The following ANO3 variants were observed in gnomAD, a reference collection of about 807,000 sequenced individuals.
The protein encoded by ANO3 is anoctamin 3.
ANO3 carries 99 observed loss-of-function variants against 144.8 expected under a neutral mutation model. That is an observed-to-expected ratio of 0.68 (90% CI 0.58 to 0.81). The LOEUF (loss-of-function observed/expected upper bound fraction) is 0.81, where lower values mean the gene tolerates loss of function less well. ANO3 is among the 30% of genes least tolerant of loss of function. The pLI, the probability that ANO3 is intolerant of heterozygous loss-of-function variation, is 0.00. For synonymous variants in ANO3, 414 were observed against 392.6 expected (o/e 1.05, Z -0.64); for missense variants, 905 against 1,202.2 (o/e 0.75, Z 3.66).
chr11:26,407,170 CA>C (rs1421584723), intron 1 of ANO3, among the ~76,000 whole-genome samples: 2 of 149,600 alleles, frequency 1.3e-5, no homozygotes, highest in Non-Finnish European at 3.0e-5. Context: ...TTGGAAAACA[CA>C]AAACAATCAT....
At chr11:26,303,391 G>C (rs886467813) in intron 1 of ANO3, among the ~76,000 whole-genome samples, 7 of 152,022 alleles carry the variant, frequency 4.6e-5, no homozygotes, top group Non-Finnish European at 1.0e-4. Flanking sequence ...TATGCCCTTC[G>C]CAGCAACAAA....
intron 1 of ANO3, among the ~76,000 whole-genome samples, chr11:26,240,085 C>T (rs920878400): frequency 1.3e-5 from 2 of 152,126 alleles, no homozygotes; most frequent in Non-Finnish European, 2.9e-5. Flanking sequence ...TACTTAACTC[C>T]TCCGTGTCAC....
chr11:26,494,827 G>A (rs1860862577), intron 4 of ANO3, among the ~76,000 whole-genome samples: 1 of 152,132 alleles, frequency 6.6e-6, no homozygotes, highest in Admixed American at 6.5e-5. Flanking sequence ...GATCTATGAA[G>A]TCCCTGAAAT....
Position 26,353,307 on chromosome 11 carries a change from G to A in ANO3, c.46+20986G>A, listed in dbSNP as rs181738310. Among the ~76,000 whole-genome samples, 566 of 152,278 alleles carry A rather than the reference G, an allele frequency of 3.7e-3. 3 individuals are homozygous for A. The highest frequency in any genetic ancestry group is 0.013 in the African/African-American group (527 of 41,568). On this transcript the variant is annotated intron_variant, in intron 1 of 26. Coordinates refer to ENST00000256737, the MANE Select transcript of ANO3 (RefSeq NM_031418.4). ...AAACCTAGGTCAAATCCAGTGATAC[G>A]TTTGGTCCAGTTGGTCTTAGCCAGC...
intron 10 of ANO3, among the ~76,000 whole-genome samples, chr11:26,538,949 T>TTAATTG (rs1849577392): frequency 1.3e-5 from 2 of 152,062 alleles, no homozygotes; most frequent in African/African-American, 4.8e-5. Flanking sequence ...TGATTAAGGA[T>TTAATTG]AGTTCACAAT....
At chr11:26,273,228 T>C (rs1332471269) in intron 1 of ANO3, among the ~76,000 whole-genome samples, 1 of 122,866 alleles carries the variant, frequency 8.1e-6, no homozygotes, top group Non-Finnish European at 1.6e-5. Flanking sequence ...CTTTTAAAGT[T>C]TTTTTTTTTT....
intron 18 of ANO3, among the ~76,000 whole-genome samples, chr11:26,624,996 C>T (rs901387337): frequency 2.0e-5 from 3 of 151,604 alleles, no homozygotes; most frequent in African/African-American, 7.3e-5. Flanking sequence ...GCGATCTCGG[C>T]TCACTGCAAG....
At chr11:26,251,037 C>T (rs542769375) in intron 1 of ANO3, among the ~76,000 whole-genome samples, 1 of 152,204 alleles carries the variant, frequency 6.6e-6, no homozygotes, top group East Asian at 1.9e-4. Context: ...TACTGATCAG[C>T]ATCATCAAAG....
At chr11:26,332,358 T>C (rs1207337855) in intron 1 of ANO3, 37 bp downstream of exon 1, 2 of 1,607,390 alleles carry the variant, frequency 1.2e-6, no homozygotes, top group Non-Finnish European at 1.7e-6. Context: ...CCTGCGGGCG[T>C]CACTTCCCCC....
At chr11:26,332,072 G>C, upstream of ANO3, 1 of 1,427,724 alleles carries the variant, frequency 7.0e-7, no homozygotes, top group Non-Finnish European at 9.2e-7. Flanking sequence ...AAGGGGAGCC[G>C]GACGCTAGAC....
intron 21 of ANO3, among the ~76,000 whole-genome samples, chr11:26,640,832 T>G (rs967505479): frequency 6.6e-5 from 10 of 152,274 alleles, no homozygotes; most frequent in Non-Finnish European, 1.0e-4. Context: ...ACAATTGTCT[T>G]TCTTCAAGCA....
intron 14 of ANO3, 74 bp downstream of exon 14, chr11:26,559,853 C>CAT: frequency 1.2e-6 from 1 of 805,992 alleles, no homozygotes; most frequent in Non-Finnish European, 2.0e-6. Flanking sequence ...CACACACACA[C>CAT]ACACACACAC....
chr11:26,482,033 C>A (rs1860238230), intron 4 of ANO3, among the ~76,000 whole-genome samples: 1 of 151,864 alleles, frequency 6.6e-6, no homozygotes, highest in South Asian at 2.1e-4. Flanking sequence ...GCTGGGAGCA[C>A]AGGCACATGC....
At chr11:26,220,206 A>G (rs1852114423) in intron 1 of ANO3, among the ~76,000 whole-genome samples, 1 of 152,220 alleles carries the variant, frequency 6.6e-6, no homozygotes, top group Non-Finnish European at 1.5e-5. Flanking sequence ...GATTGGTCTC[A>G]TCAAATCAAT....
At chr11:26,553,223 T>C in intron 12 of ANO3, 26 bp from the exon 13 acceptor site, 1 of 1,217,412 alleles carries the variant, frequency 8.2e-7, no homozygotes, top group South Asian at 1.3e-5. Flanking sequence ...TGTTTTGTTT[T>C]GTTTTTGTTT....
At chr11:26,230,447 A>G (rs534928470) in intron 1 of ANO3, among the ~76,000 whole-genome samples, 39 of 152,222 alleles carry the variant, frequency 2.6e-4, no homozygotes, top group Middle Eastern at 6.8e-3. Context: ...TTTCAATTTC[A>G]TATTTCATTG....
chr11:26,328,927 G>A (rs146719321), upstream of ANO3, among the ~76,000 whole-genome samples: 26 of 151,996 alleles, frequency 1.7e-4, no homozygotes, highest in Admixed American at 9.8e-4. Context: ...AGACATTTTC[G>A]CATGTTTATT....
chr11:26,603,063 T>G (rs942054134), intron 17 of ANO3, among the ~76,000 whole-genome samples: 1 of 152,288 alleles, frequency 6.6e-6, no homozygotes, highest in African/African-American at 2.4e-5. Flanking sequence ...TTTTAAAAAA[T>G]TTTAAATAAA....
intron 1 of ANO3, among the ~76,000 whole-genome samples, chr11:26,371,929 G>C (rs1856271422): frequency 6.6e-6 from 1 of 152,186 alleles, no homozygotes; most frequent in African/African-American, 2.4e-5. Flanking sequence ...TTTGGACTCT[G>C]ACTTTTCAGT....
Sources: gnomAD v4.1 joint callset for allele counts (sites outside exome capture counted in the v4.1 genomes callset) on GRCh38, gnomAD v4.1.1 for gene constraint, MANE v1.5 for transcripts, NCBI Gene and HGNC (gene_info 2026-07-23, HGNC 2026-07-21) for gene names.